SNX31: variants seen among roughly 807,000 people sequenced by gnomAD.
SNX31 encodes the protein sorting nexin 31.
A neutral mutation model predicts 65.4 loss-of-function variants in SNX31; 58 were observed. The observed-to-expected ratio is 0.89, with a 90% CI of 0.72 to 1.10. The LOEUF is 1.10. Ranked by LOEUF, SNX31 falls within the 50% of genes least tolerant of loss-of-function variation. SNX31 has a pLI of 0.00. For missense variants in SNX31, 523 were observed against 529.7 expected (o/e 0.99, Z 0.12); for synonymous variants, 181 against 190.1 (o/e 0.95, Z 0.39).
upstream of SNX31, among the ~76,000 whole-genome samples, chr8:100,650,965 G>A (rs2131309182): frequency 6.6e-6 from 1 of 150,786 alleles, no homozygotes; most frequent in East Asian, 2.0e-4. Flanking sequence ...TGATTTTCCT[G>A]CCTCAGCCTC....
At chr8:100,632,593 A>C in intron 3 of SNX31, among the ~76,000 whole-genome samples, 1 of 152,104 alleles carries the variant, frequency 6.6e-6, no homozygotes, top group East Asian at 1.9e-4. Context: ...TTGAGCTACA[A>C]AGGACATTAG....
chr8:100,600,110 A>G (rs1032787330), intron 9 of SNX31, among the ~76,000 whole-genome samples: 2 of 152,236 alleles, frequency 1.3e-5, no homozygotes, highest in African/African-American at 4.8e-5. Flanking sequence ...CGGAGGATCT[A>G]TATTAATTAA....
Position 100,629,472 on chromosome 8 carries a change from C to T in SNX31, c.321+855G>A, listed in dbSNP as rs1467571816. ...GGGCCATTTCTCAGGTTGACTGGGC[C>T]AGTAAATATTCCAACACATTTGAAC... On this transcript the variant is annotated intron_variant, in intron 4 of 13. Transcript: ENST00000311812. This position sits in a 1 kb window ranked among gnomAD's most constrained non-coding sequence, Gnocchi z 5.1. Among the ~76,000 whole-genome samples, 2 of 152,116 alleles carry T rather than the reference C, an allele frequency of 1.3e-5. No individual in the cohort carries two copies. The highest frequency in any genetic ancestry group is 4.8e-5 in the African/African-American group (2 of 41,428).
rs1258056458 is a variant in SNX31 at position 100,600,598 on chromosome 8, A to G, written c.682-157T>C. 5.3e-5 allele frequency among the ~76,000 whole-genome samples: 8 copies of G among 152,184 alleles called. No homozygotes were observed. In the South Asian group the frequency reaches 1.4e-3, roughly 28 times the overall value. ...AAGTCTTATTTTTTAAATTAGTAAG[A>G]AGAGATTGTTCAACAGCTTGGGGAC... is the stretch of plus-strand genomic sequence containing the variant. On this transcript the variant is annotated intron_variant, in intron 8 of 13. Transcript: ENST00000311812.
Position 100,575,042 on chromosome 8 carries a change from C to T in SNX31, c.1228-1082G>A, listed in dbSNP as rs542741689. ...CAGTACTTATGAAATCTCAAAGACA[C>T]GGTTATGGAAAGTGGAAAGTGAAAA... is the stretch of plus-strand genomic sequence containing the variant. On this transcript the variant is annotated intron_variant, in intron 13 of 13. Coordinates refer to ENST00000311812, the MANE Select transcript of SNX31 (RefSeq NM_152628.4). This position sits in a 1 kb window ranked among gnomAD's most constrained non-coding sequence, Gnocchi z 5.1. 3.9e-5 allele frequency among the ~76,000 whole-genome samples: 6 copies of T among 152,112 alleles called. No homozygotes were observed. Among genetic ancestry groups the T allele is most frequent in the Admixed American group, 1.3e-4 (2 of 15,292 alleles).
At chr8:100,599,363 T>C (rs917974886) in intron 9 of SNX31, among the ~76,000 whole-genome samples, 4 of 152,162 alleles carry the variant, frequency 2.6e-5, no homozygotes, top group African/African-American at 9.7e-5. Flanking sequence ...AGTTTGTAAT[T>C]GCATCTGAAG....
At position 100,588,984 on chromosome 8, in the gene SNX31, A is replaced by G; in HGVS notation, c.979-5T>C. The G allele has an allele frequency of 6.2e-7, 1 of 1,603,620 alleles. No individual in the cohort carries two copies. Among genetic ancestry groups the G allele is most frequent in the Non-Finnish European group, 8.5e-7 (1 of 1,171,780 alleles). Reference sequence around the variant, plus strand: ...ATCCGTATCCAGCAGAGTTCCCTACAAAGGAAAATATTTTATATTCAATGT... The same window carrying G: ...ATCCGTATCCAGCAGAGTTCCCTACGAAGGAAAATATTTTATATTCAATGT... On this transcript the variant is annotated splice_polypyrimidine_tract_variant and splice_region_variant and intron_variant, in intron 10 of 13. Transcript: ENST00000311812. This position sits in a 1 kb window ranked among gnomAD's most constrained non-coding sequence, Gnocchi z 4.8.
intron 2 of SNX31, among the ~76,000 whole-genome samples, chr8:100,641,591 TATATACACATACAC>T (rs1173195868): frequency 1.8e-4 from 4 of 22,750 alleles, no homozygotes; most frequent in African/African-American, 1.5e-3. Context: ...TATATATATA[TATATACACATACAC>T]ACACACACGC....
At chr8:100,582,987 A>G (rs1045929674) in intron 12 of SNX31, among the ~76,000 whole-genome samples, 1 of 151,946 alleles carries the variant, frequency 6.6e-6, no homozygotes, top group Non-Finnish European at 1.5e-5. Flanking sequence ...ATCTAAAAAA[A>G]AAAAGAAAAG....
At position 100,609,153 on chromosome 8, in the gene SNX31, C is replaced by T. The variant is rs1816476292; in HGVS notation, c.612-590G>A. On this transcript the variant is annotated intron_variant, in intron 7 of 13. Transcript: ENST00000311812. The surrounding 1 kb of genome is among the most constrained non-coding windows in gnomAD (Gnocchi z 4.9). ...CGGGGACCACCCCCACTTTCATTTCCAGTTCCATCTCTCACCAACCCCACC... is the reference window on the plus strand; with the variant it reads ...CGGGGACCACCCCCACTTTCATTTCTAGTTCCATCTCTCACCAACCCCACC... 6.6e-6 allele frequency among the ~76,000 whole-genome samples: 1 copy of T among 152,170 alleles called. No homozygotes were observed. Among genetic ancestry groups the T allele is most frequent in the Non-Finnish European group, 1.5e-5 (1 of 68,022 alleles).
At chr8:100,649,026 TG>T (rs1377406523) in intron 2 of SNX31, among the ~76,000 whole-genome samples, 1 of 152,222 alleles carries the variant, frequency 6.6e-6, no homozygotes, top group Non-Finnish European at 1.5e-5. Flanking sequence ...GCGAGGGGCT[TG>T]GAAGAATCAC....
chr8:100,573,744 C>G lies in SNX31; in HGVS notation c.*121G>C. ...TTGATGAATACAGTCCATGTTAATG[C>G]CAAAAAAATGGGAAGAGGTCAAATT... On this transcript the variant is annotated 3_prime_UTR_variant, in exon 14 of 14. Coordinates refer to ENST00000311812, the MANE Select transcript of SNX31 (RefSeq NM_152628.4). 1 of 586,724 alleles carries G rather than the reference C, an allele frequency of 1.7e-6. No homozygotes were observed. Among genetic ancestry groups the G allele is most frequent in the Non-Finnish European group, 2.9e-6 (1 of 339,694 alleles). The allele number at this position is 586,724 out of a possible 1,614,324, so 36.3% of individuals were successfully genotyped here. A position where few individuals can be genotyped will look rare whatever the true frequency, so the allele number is the denominator to read the frequency against.
intron 3 of SNX31, among the ~76,000 whole-genome samples, chr8:100,633,765 C>G (rs1339063969): frequency 2.0e-5 from 3 of 151,890 alleles, no homozygotes; most frequent in African/African-American, 7.3e-5. Flanking sequence ...CATACACACA[C>G]AAGGAAAAAA....
At chr8:100,656,312 T>G (rs1205710772) in intron 1 of SNX31, among the ~76,000 whole-genome samples, 1 of 152,114 alleles carries the variant, frequency 6.6e-6, no homozygotes, top group African/African-American at 2.4e-5. Context: ...TCTAAAGATT[T>G]TAAAGAAACT....
intron 2 of SNX31, 77 bp downstream of exon 2, chr8:100,649,197 A>C: frequency 2.1e-6 from 3 of 1,450,218 alleles, no homozygotes; most frequent in Non-Finnish European, 2.9e-6. Flanking sequence ...CCAGAGTCAG[A>C]GGAACAGAGC....
intron 4 of SNX31, among the ~76,000 whole-genome samples, chr8:100,621,631 G>C (rs1817704172): frequency 6.6e-6 from 1 of 152,156 alleles, no homozygotes; most frequent in Admixed American, 6.5e-5. Context: ...AAGTCTCCTT[G>C]CTTCCATTCT....
intron 8 of SNX31, among the ~76,000 whole-genome samples, chr8:100,602,463 G>C (rs534463441): frequency 1.3e-5 from 2 of 152,106 alleles, no homozygotes; most frequent in Non-Finnish European, 2.9e-5. Context: ...AGGGATGCCT[G>C]GTACTGTCAT....
In SNX31 at chr8:100,593,846, T is replaced by C. The variant is rs541575432; in HGVS notation, c.978+2793A>G. Among the ~76,000 whole-genome samples, 88 of 152,034 alleles carry C rather than the reference T, an allele frequency of 5.8e-4. 1 individual carries two copies. The highest frequency in any genetic ancestry group is 2.1e-3 in the African/African-American group (86 of 41,474). On this transcript the variant is annotated intron_variant, in intron 10 of 13. Coordinates refer to ENST00000311812, the MANE Select transcript of SNX31 (RefSeq NM_152628.4). The stretch of plus-strand genomic sequence containing the variant: ...GTAAAACCCCTAACTGTAAAACTTT[T>C]AGGAAAAAAAATAGAAAAACTTCAG...
rs1816864590 is a variant in SNX31, at chr8:100,613,158, C to T, written c.433-73G>A. On this transcript the variant is annotated intron_variant, in intron 5 of 13. Coordinates refer to ENST00000311812, the MANE Select transcript of SNX31 (RefSeq NM_152628.4). This position sits in a 1 kb window ranked among gnomAD's most constrained non-coding sequence, Gnocchi z 5.2. ...ATGCATCCTAACTGTGACATGCAGACTTGGAAATGGCCGGTACACATCAAT... is the reference window on the plus strand; with the variant it reads ...ATGCATCCTAACTGTGACATGCAGATTTGGAAATGGCCGGTACACATCAAT... 1 of 1,187,048 alleles carries T rather than the reference C, an allele frequency of 8.4e-7. No individual in the cohort carries two copies. The highest frequency in any genetic ancestry group is 1.5e-5 in the African/African-American group (1 of 66,460). 73.5% of individuals were successfully genotyped at this position (1,187,048 alleles called of 1,614,324 possible). A position where few individuals can be genotyped will look rare whatever the true frequency, so the allele number is the denominator to read the frequency against.
Sources: gnomAD v4.1 joint callset for allele counts (sites outside exome capture counted in the v4.1 genomes callset) on GRCh38, gnomAD v4.1.1 for gene constraint, Gnocchi (gnomAD v3.1) non-coding constraint, MANE v1.5 for transcripts, NCBI Gene and HGNC (gene_info 2026-07-23, HGNC 2026-07-21) for gene names.